The following TSHZ2 variants were observed in gnomAD, a reference collection of about 807,000 sequenced individuals.
TSHZ2 encodes the protein teashirt zinc finger homeobox 2.
TSHZ2 carries 21 observed loss-of-function variants against 74.4 expected under a neutral mutation model. That is an observed-to-expected ratio of 0.28 (90% CI 0.20 to 0.41). The LOEUF (loss-of-function observed/expected upper bound fraction) is 0.41, where lower values mean the gene tolerates loss of function less well. Ranked by LOEUF, TSHZ2 falls within the 10% of genes least tolerant of loss-of-function variation. The probability of loss-of-function intolerance (pLI) is 1.00; values close to 1 mark genes in which losing one functional copy is unlikely to be tolerated. For synonymous variants in TSHZ2, 540 were observed against 515.3 expected (o/e 1.05, Z -0.65); for missense variants, 1,244 against 1,293.5 (o/e 0.96, Z 0.59).
At chr20:53,432,644 T>C (rs7343321) in intron 2 of TSHZ2, among the ~76,000 whole-genome samples, 7,275 of 152,302 alleles carry the variant, frequency 0.048, 355 homozygotes, top group African/African-American at 0.13. Context: ...TATTGTTTTT[T>C]GACTTCTTAA....
intron 1 of TSHZ2, among the ~76,000 whole-genome samples, chr20:53,189,526 C>T (rs560902825): frequency 2.0e-5 from 3 of 152,274 alleles, no homozygotes; most frequent in South Asian, 4.1e-4. Flanking sequence ...TGGTAGAATG[C>T]TTGGAACAAA....
At chr20:53,297,694 A>G (rs925810427) in intron 2 of TSHZ2, among the ~76,000 whole-genome samples, 2 of 152,218 alleles carry the variant, frequency 1.3e-5, no homozygotes, top group African/African-American at 4.8e-5. Flanking sequence ...TATTAACTCT[A>G]TGACCTTAAG....
intron 1 of TSHZ2, among the ~76,000 whole-genome samples, chr20:53,042,700 A>AG (rs554641448): frequency 3.7e-5 from 4 of 108,894 alleles, no homozygotes; most frequent in Admixed American, 1.8e-4. Flanking sequence ...GAAGTAGAGA[A>AG]GAAAAAAAAA....
intron 1 of TSHZ2, among the ~76,000 whole-genome samples, chr20:53,143,117 G>A (rs540882282): frequency 7.9e-5 from 12 of 152,258 alleles, no homozygotes; most frequent in East Asian, 7.7e-4. Flanking sequence ...AATACTATTC[G>A]AATTGAAAAC....
chr20:53,253,890 C>A lies in TSHZ2; in HGVS notation c.432C>A (p.Gly144=). 1 of 1,614,190 alleles carries A rather than the reference C, an allele frequency of 6.2e-7. No homozygotes were observed. The highest frequency in any genetic ancestry group is 8.5e-7 in the Non-Finnish European group (1 of 1,180,038). Reference sequence around the variant, plus strand: ...CCTACTGGTCAGGCCTGGGCCTTGGCTTCAAGCTGTCCAATAGTGAGAGGA... The same window carrying A: ...CCTACTGGTCAGGCCTGGGCCTTGGATTCAAGCTGTCCAATAGTGAGAGGA... ...SDSYWSGLGL[G]FKLSNSERRN... The change falls in exon 2 of 3, where the codon GGC becomes GGA. Residue 144 remains glycine, a synonymous_variant. Coordinates refer to ENST00000371497, the MANE Select transcript of TSHZ2 (RefSeq NM_173485.6).
chr20:53,469,060 T>TATATAC (rs1985661903), intron 2 of TSHZ2, among the ~76,000 whole-genome samples: 1 of 120,350 alleles, frequency 8.3e-6, no homozygotes, highest in African/African-American at 3.2e-5. Context: ...TATATATATA[T>TATATAC]ATATATATAT....
chr20:53,251,754 C>T (rs1990336406), intron 1 of TSHZ2, among the ~76,000 whole-genome samples: 1 of 152,190 alleles, frequency 6.6e-6, no homozygotes, highest in African/African-American at 2.4e-5. Context: ...AAATCATGGG[C>T]TCTTGTCTCC....
intron 2 of TSHZ2, among the ~76,000 whole-genome samples, chr20:53,377,797 A>C (rs1405841448): frequency 6.6e-6 from 1 of 152,118 alleles, no homozygotes; most frequent in East Asian, 1.9e-4. Flanking sequence ...CAGCAGGTCG[A>C]GGCTGCCGTG....
At chr20:53,162,488 AGAT>A (rs1987966262) in intron 1 of TSHZ2, among the ~76,000 whole-genome samples, 1 of 152,160 alleles carries the variant, frequency 6.6e-6, no homozygotes, top group African/African-American at 2.4e-5. Flanking sequence ...GATGGTAAAG[AGAT>A]GAGATCAGCC....
chr20:53,357,397 G>A (rs1980885141), intron 2 of TSHZ2, among the ~76,000 whole-genome samples: 1 of 152,064 alleles, frequency 6.6e-6, no homozygotes, highest in South Asian at 2.1e-4. Context: ...AGGCTTAGTG[G>A]CTCACGCCTG....
At position 53,460,579 on chromosome 20, in the gene TSHZ2, C is replaced by G. The variant is rs996491376; in HGVS notation, c.*9-26565C>G. ...AGTCATTCTCCGTCCAGCTTTGTTC[C>G]GTTGCTGGTGAGGAGCTGCGTTCCT... On this transcript the variant is annotated intron_variant, in intron 2 of 2. Transcript: ENST00000371497. Among the ~76,000 whole-genome samples the G allele has an allele frequency of 2.2e-4, 34 of 152,206 alleles. 1 individual carries two copies. The highest frequency in any genetic ancestry group is 2.2e-3 in the Admixed American group (33 of 15,282).
At chr20:53,372,707 C>T (rs1164757938) in intron 2 of TSHZ2, among the ~76,000 whole-genome samples, 1 of 152,218 alleles carries the variant, frequency 6.6e-6, no homozygotes, top group Non-Finnish European at 1.5e-5. Context: ...AACGCCCCCA[C>T]CAATCTAAAG....
At chr20:53,009,350 A>G (rs901224443) in intron 1 of TSHZ2, among the ~76,000 whole-genome samples, 2 of 152,062 alleles carry the variant, frequency 1.3e-5, no homozygotes, top group Non-Finnish European at 2.9e-5. Flanking sequence ...AAAAATTCAC[A>G]ACAAAACAAA....
At chr20:53,057,344 GC>G in intron 1 of TSHZ2, among the ~76,000 whole-genome samples, 1 of 152,194 alleles carries the variant, frequency 6.6e-6, no homozygotes, top group East Asian at 1.9e-4. Context: ...ACTTGAATCT[GC>G]AGTACCAGGC....
chr20:53,466,208 G>A (rs750479296), intron 2 of TSHZ2, among the ~76,000 whole-genome samples: 9 of 149,990 alleles, frequency 6.0e-5, no homozygotes, highest in East Asian at 3.9e-4. Context: ...AGATCGTGCT[G>A]TTGCACTCTA....
At chr20:53,148,079 A>G (rs1987587906) in intron 1 of TSHZ2, among the ~76,000 whole-genome samples, 1 of 152,238 alleles carries the variant, frequency 6.6e-6, no homozygotes, top group South Asian at 2.1e-4. Context: ...AGGCATTTGC[A>G]CAAACCTGAT....
rs969811725 is a variant in TSHZ2, at chr20:53,493,615, C to T, written c.*6480C>T. 1.3e-5 allele frequency: 2 copies of T among 152,096 alleles called. No individual in the cohort carries two copies. The highest frequency in any genetic ancestry group is 2.4e-5 in the African/African-American group (1 of 41,412). 9.4% of individuals were successfully genotyped at this position (152,096 alleles called of 1,614,324 possible). On this transcript the variant is annotated 3_prime_UTR_variant, in exon 3 of 3. Coordinates refer to ENST00000371497, the MANE Select transcript of TSHZ2 (RefSeq NM_173485.6). ...TGGGGCCCCAGGCCATTCCTGACAT[C>T]GGCGTGTTCTTCTTCTGCATTAAGG...
rs1335895376 is a variant in TSHZ2 at position 53,254,162 on chromosome 20, A to G, written c.704A>G (p.Asn235Ser). 1 of 1,614,050 alleles carries G rather than the reference A, an allele frequency of 6.2e-7. No individual in the cohort carries two copies. Among genetic ancestry groups the G allele is most frequent in the Non-Finnish European group, 8.5e-7 (1 of 1,180,032 alleles). ...CTAGTCGAGCTGACTGTGCACATGA[A>G]TGAAACGGGCCACTATCAAGATGAC... ...DTLVELTVHM[N>S]ETGHYQDDNR... The change falls in exon 2 of 3, where the codon AAT (asparagine) becomes AGT (serine). Residue 235 changes from asparagine to serine, a missense_variant. By Grantham distance (46) the Asn-to-Ser change is conservative. This residue lies in a region of TSHZ2 where 470 missense variants were observed against 456.5 expected (regional missense o/e 1.03). Transcript: ENST00000371497.
At chr20:53,013,355 ATTT>A (rs534884861) in intron 1 of TSHZ2, among the ~76,000 whole-genome samples, 6 of 149,624 alleles carry the variant, frequency 4.0e-5, no homozygotes, top group African/African-American at 1.5e-4. Flanking sequence ...GAGCTCGAGC[ATTT>A]TTTTTTTATC....
Sources: allele counts gnomAD v4.1 joint callset (sites outside exome capture counted in the v4.1 genomes callset), GRCh38; gene constraint gnomAD v4.1.1; regional missense constraint gnomAD v4.1.1; transcripts MANE v1.5; gene names NCBI Gene and HGNC (gene_info 2026-07-23, HGNC 2026-07-21).